The following EXO1 variants were observed in gnomAD, a reference collection of about 807,000 sequenced individuals.
EXO1 encodes exonuclease 1.
Under a neutral mutation model 84.5 loss-of-function variants are expected in EXO1, and 69 were observed. The ratio of observed to expected loss-of-function variants is 0.82; its 90% CI spans 0.67 to 1.00. The LOEUF is 1.00. Among genes scored for constraint, EXO1 ranks in the 50% least tolerant of loss-of-function variants. EXO1 has a pLI of 0.00. For synonymous variants in EXO1, 373 were observed against 366.1 expected (o/e 1.02, Z -0.21); for missense variants, 1,045 against 1,000.7 (o/e 1.04, Z -0.60).
chr1:241,871,134 C>G (rs1662064552), intron 11 of EXO1, among the ~76,000 whole-genome samples: 1 of 152,052 alleles, frequency 6.6e-6, no homozygotes, highest in African/African-American at 2.4e-5. Context: ...TGTTGGGGAC[C>G]CTGGAACACT....
At chr1:241,874,438 C>T (rs1361971357) in intron 12 of EXO1, among the ~76,000 whole-genome samples, 1 of 152,134 alleles carries the variant, frequency 6.6e-6, no homozygotes, top group Admixed American at 6.5e-5. Flanking sequence ...GGGTTTTAAT[C>T]AGGGGAGGTG....
chr1:241,885,321 G>A lies in EXO1; in HGVS notation c.2219G>A (p.Gly740Glu), dbSNP rs1357082953. The change falls in exon 15 of 16, where the codon GGG (glycine) becomes GAG (glutamate). Residue 740 changes from glycine (G) to glutamate (E), a missense_variant. Physicochemically the swap from Gly to Glu is moderately conservative, Grantham distance 98 (BLOSUM62 -2). Coordinates refer to ENST00000366548, the MANE Select transcript of EXO1 (RefSeq NM_130398.4). ...TGGGTGTTTAATCTTCAGGTTCCTGGGCTATATAAGTCCAGTTCTGCAGAC... is the reference window on the plus strand; with the variant it reads ...TGGGTGTTTAATCTTCAGGTTCCTGAGCTATATAAGTCCAGTTCTGCAGAC... ...KDTPLRNKVP[G>E]LYKSSSADSL... 6.2e-7 allele frequency: 1 copy of A among 1,613,042 alleles called. No individual in the cohort carries two copies. The highest frequency in any genetic ancestry group is 8.5e-7 in the Non-Finnish European group (1 of 1,179,492).
chr1:241,889,264 A>G (rs1663246150), intron 15 of EXO1, among the ~76,000 whole-genome samples: 1 of 152,130 alleles, frequency 6.6e-6, no homozygotes, highest in South Asian at 2.1e-4. Flanking sequence ...TGAAAGCAAG[A>G]AGAGGCACTA....
At chr1:241,873,255 C>G (rs913658846) in intron 12 of EXO1, among the ~76,000 whole-genome samples, 2 of 152,104 alleles carry the variant, frequency 1.3e-5, no homozygotes, top group East Asian at 3.9e-4. Context: ...ATTTGCATTT[C>G]TCTAATGGCC....
At chr1:241,881,293 A>G (rs1662737386) in intron 13 of EXO1, among the ~76,000 whole-genome samples, 1 of 152,104 alleles carries the variant, frequency 6.6e-6, no homozygotes, top group Admixed American at 6.6e-5. Context: ...TGGCCTCCCA[A>G]AGTGCTGGGA....
chr1:241,881,613 G>A (rs1247086841), intron 13 of EXO1, among the ~76,000 whole-genome samples: 2 of 152,252 alleles, frequency 1.3e-5, no homozygotes, highest in South Asian at 2.1e-4. Context: ...GTAACGCAGC[G>A]TTTTTACATT....
Position 241,889,690 on chromosome 1 carries a change from A to T in EXO1, c.*90A>T, listed in dbSNP as rs1332771434. 2.6e-5 allele frequency: 32 copies of T among 1,240,594 alleles called. No homozygotes were observed. The highest frequency in any genetic ancestry group is 3.2e-5 in the Non-Finnish European group (27 of 842,752). 76.8% of individuals were successfully genotyped at this position (1,240,594 alleles called of 1,614,324 possible). A position where few individuals can be genotyped will look rare whatever the true frequency, so the allele number is the denominator to read the frequency against. On this transcript the variant is annotated 3_prime_UTR_variant, in exon 16 of 16. Transcript: ENST00000366548. ...AATGAGGCACTTATCAGCATGAAGA[A>T]TTTTTTCTCATTCTGTGCCATTTTA...
In EXO1 at chr1:241,866,498, TTTTA is replaced by T. The variant is rs4149944; in HGVS notation, c.1042-311_1042-308del. Among the ~76,000 whole-genome samples, 5 of 151,822 alleles carry T rather than the reference TTTTA, an allele frequency of 3.3e-5. No homozygotes were observed. The East Asian group carries it at 7.7e-4, about 23-fold the overall frequency. Reference sequence around the variant, plus strand: ...CTTGCACCATTTGTATTACGAAGATTTTTATTTATTTATTTATTTATTTACTTTT... The same window carrying T: ...CTTGCACCATTTGTATTACGAAGATTTTTATTTATTTATTTATTTACTTTT... On this transcript the variant is annotated intron_variant, in intron 10 of 15. Transcript: ENST00000366548.
intron 15 of EXO1, among the ~76,000 whole-genome samples, chr1:241,888,710 A>G (rs534372764): frequency 6.6e-6 from 1 of 152,342 alleles, no homozygotes; most frequent in South Asian, 2.1e-4. Flanking sequence ...TATCTTCATA[A>G]CAGGATTAAT....
At chr1:241,880,083 G>T (rs1374779276) in intron 13 of EXO1, among the ~76,000 whole-genome samples, 1 of 151,184 alleles carries the variant, frequency 6.6e-6, no homozygotes, top group Non-Finnish European at 1.5e-5. Flanking sequence ...TTAAGTTTTA[G>T]TACTTCAGAA....
At position 241,849,152 on chromosome 1, in the gene EXO1, AG is replaced by A. The variant is rs1375090455; in HGVS notation, c.-81del. 6.6e-6 allele frequency: 1 copy of A among 152,242 alleles called. No homozygotes were observed. Among genetic ancestry groups the A allele is most frequent in the African/African-American group, 2.4e-5 (1 of 41,458 alleles). 9.4% of individuals were successfully genotyped at this position (152,242 alleles called of 1,614,324 possible). On this transcript the variant is annotated 5_prime_UTR_variant, in exon 3 of 16. Transcript: ENST00000366548. ...GTCACTGAGTGGAGTTGAGAGTCTA[AG>A]AACCTCTGAAATTTGAGAACTGCTG...
rs1394230758 is a variant in EXO1 at position 241,879,197 on chromosome 1, A to G, written c.1963A>G (p.Lys655Glu). Residue 655 changes from lysine to glutamate, a missense_variant, in exon 13 of 16, where the codon AAG becomes GAG. Lys to Glu is a moderately conservative substitution (Grantham distance 56). Coordinates refer to ENST00000366548, the MANE Select transcript of EXO1 (RefSeq NM_130398.4). ...ENNMSDVSQL[K>E]SEESSDDESH... ...TAATATGTCTGATGTGTCGCAGTTA[A>G]AGAGCGAGGAGTCCAGTGACGATGA... 6.2e-7 allele frequency: 1 copy of G among 1,603,270 alleles called. No individual in the cohort carries two copies. Among genetic ancestry groups the G allele is most frequent in the Non-Finnish European group, 8.5e-7 (1 of 1,171,788 alleles).
chr1:241,848,124 G>A (rs1013033173), upstream of EXO1: 27 of 152,282 alleles, frequency 1.8e-4, no homozygotes, highest in Admixed American at 1.5e-3. This position sits in a 1 kb window ranked among gnomAD's most constrained non-coding sequence, Gnocchi z 4.2. Context: ...GCCGCAGGAG[G>A]CGGAACCGGG....
At chr1:241,856,843 C>G (rs1484193437) in intron 6 of EXO1, among the ~76,000 whole-genome samples, 1 of 152,184 alleles carries the variant, frequency 6.6e-6, no homozygotes, top group South Asian at 2.1e-4. Flanking sequence ...CCAGCCTAGA[C>G]AACATGGCAA....
intron 13 of EXO1, 35 bp from the exon 14 acceptor site, chr1:241,881,881 T>G: frequency 9.2e-7 from 1 of 1,082,310 alleles, no homozygotes; most frequent in Non-Finnish European, 1.4e-6. Flanking sequence ...AGTAAAAATC[T>G]AATTTTATTT....
Position 241,861,407 on chromosome 1 carries a change from T to C in EXO1, c.946T>C (p.Tyr316His), listed in dbSNP as rs1661374215. The change falls in exon 10 of 16, where the codon TAT (tyrosine) becomes CAT (histidine). Residue 316 changes from tyrosine (Y) to histidine (H), a missense_variant and splice_region_variant. By Grantham distance (83) the Tyr-to-His change is moderately conservative. Transcript: ENST00000366548. ...TTTTCCTTAATCTTGCTAATCTAGATATGTTGATGATTCCATAGCTCTTCA... is the reference window on the plus strand; with the variant it reads ...TTTTCCTTAATCTTGCTAATCTAGACATGTTGATGATTCCATAGCTCTTCA... The part of the protein sequence containing the change: ...DPETLSYAGQ[Y>H]VDDSIALQIA... 2.8e-6 allele frequency: 4 copies of C among 1,416,404 alleles called. No individual in the cohort carries two copies. The highest frequency in any genetic ancestry group is 3.0e-6 in the Non-Finnish European group (3 of 999,392). 87.7% of individuals were successfully genotyped at this position (1,416,404 alleles called of 1,614,324 possible).
chr1:241,856,399 C>T (rs1661039949), intron 6 of EXO1, among the ~76,000 whole-genome samples: 1 of 151,348 alleles, frequency 6.6e-6, no homozygotes, highest in Non-Finnish European at 1.5e-5. Context: ...TTTTTCTTGG[C>T]AAGTTTATTT....
At position 241,885,232 on chromosome 1, in the gene EXO1, A is replaced by ATAAATAAATAAATAAG. The variant is rs1296876717; in HGVS notation, c.2212-79_2212-78insATAAATAAATAAGTAA. ...AAAAAGTAAATAAATAAATAAATAAATAAGTAAAGAATAAAGAATAGCTTG... is the reference window on the plus strand; with the variant it reads ...AAAAAGTAAATAAATAAATAAATAAATAAATAAATAAATAAGTAAGTAAAGAATAAAGAATAGCTTG... On this transcript the variant is annotated intron_variant, in intron 14 of 15. Coordinates refer to ENST00000366548, the MANE Select transcript of EXO1 (RefSeq NM_130398.4). 97 of 779,968 alleles carry ATAAATAAATAAATAAG rather than the reference A, an allele frequency of 1.2e-4. 2 individuals carry two copies. The African/African-American group carries it at 1.6e-3, about 13-fold the overall frequency. The allele number at this position is 779,968 out of a possible 1,614,324, so 48.3% of individuals were successfully genotyped here. A position where few individuals can be genotyped will look rare whatever the true frequency, so the allele number is the denominator to read the frequency against.
chr1:241,863,535 G>GA (rs1238674393), intron 10 of EXO1, among the ~76,000 whole-genome samples: 12 of 151,308 alleles, frequency 7.9e-5, no homozygotes, highest in Middle Eastern at 3.4e-3. Context: ...CAGATCTTGA[G>GA]AAAAAAAGAA....
Sources: gnomAD v4.1 joint callset for allele counts (sites outside exome capture counted in the v4.1 genomes callset) on GRCh38, gnomAD v4.1.1 for gene constraint, Gnocchi (gnomAD v3.1) non-coding constraint, MANE v1.5 for transcripts, NCBI Gene and HGNC (gene_info 2026-07-23, HGNC 2026-07-21) for gene names.